The following DENND3 variants were observed in gnomAD, a reference collection of about 807,000 sequenced individuals.
DENND3 encodes DENN domain-containing protein 3.
In DENND3, 88 loss-of-function variants were observed where a neutral mutation model predicts 135.1. The observed-to-expected ratio is 0.65, with a 90% CI of 0.55 to 0.78. DENND3 has a LOEUF of 0.78. DENND3 is among the 30% of genes least tolerant of loss of function. The pLI is 0.00. For synonymous variants in DENND3, 693 were observed against 712.3 expected (o/e 0.97, Z 0.43); for missense variants, 1,392 against 1,688.4 (o/e 0.82, Z 3.08).
At chr8:141,159,791 G>A (rs1213412606) in intron 8 of DENND3, among the ~76,000 whole-genome samples, 1 of 152,258 alleles carries the variant, frequency 6.6e-6, no homozygotes, top group African/African-American at 2.4e-5. Context: ...ATCTCATGGT[G>A]GCTCAGGGTT....
chr8:141,178,666 G>C (rs892134781), intron 16 of DENND3, among the ~76,000 whole-genome samples: 28 of 152,172 alleles, frequency 1.8e-4, no homozygotes, highest in Admixed American at 1.8e-3. Flanking sequence ...GGGCTTCACC[G>C]CTGCATGAGT....
At chr8:141,159,999 G>C (rs1819926890) in intron 8 of DENND3, among the ~76,000 whole-genome samples, 1 of 152,188 alleles carries the variant, frequency 6.6e-6, no homozygotes, top group South Asian at 2.1e-4. Flanking sequence ...AGCCATGAGT[G>C]ACCCGTCAAG....
At chr8:141,153,831 T>C (rs1344947106) in intron 7 of DENND3, among the ~76,000 whole-genome samples, 2 of 152,226 alleles carry the variant, frequency 1.3e-5, no homozygotes, top group African/African-American at 4.8e-5. Context: ...AGGACAACTT[T>C]CTTCCACATG....
intron 10 of DENND3, among the ~76,000 whole-genome samples, chr8:141,164,800 C>G: frequency 6.6e-6 from 1 of 152,246 alleles, no homozygotes; most frequent in East Asian, 1.9e-4. Context: ...GCTGCGCCAG[C>G]CACGAGCCTG....
intron 15 of DENND3, 84 bp downstream of exon 15, chr8:141,176,845 G>A (rs1452318339): frequency 6.7e-7 from 1 of 1,501,314 alleles, no homozygotes; most frequent in Non-Finnish European, 9.1e-7. Context: ...GCAGTCCTCA[G>A]CTGTGAGTGC....
chr8:141,189,582 G>C (rs149026302), intron 19 of DENND3, among the ~76,000 whole-genome samples: 1 of 152,088 alleles, frequency 6.6e-6, no homozygotes, highest in Non-Finnish European at 1.5e-5. Context: ...CCAGGGAGAC[G>C]GGAGGAGGAG....
chr8:141,186,448 C>T (rs1052498326), intron 18 of DENND3, among the ~76,000 whole-genome samples: 4 of 152,208 alleles, frequency 2.6e-5, no homozygotes, highest in East Asian at 1.9e-4. Flanking sequence ...GCAGGCTGTA[C>T]GTGGCCCAGG....
chr8:141,171,997 G>A (rs573464477), intron 13 of DENND3, among the ~76,000 whole-genome samples: 132 of 149,842 alleles, frequency 8.8e-4, no homozygotes, highest in Non-Finnish European at 1.6e-3. Context: ...GGTGGTGGCC[G>A]TGCACAGTGG....
At chr8:141,153,677 C>T (rs1819094506) in intron 7 of DENND3, among the ~76,000 whole-genome samples, 2 of 152,352 alleles carry the variant, frequency 1.3e-5, no homozygotes, top group South Asian at 4.1e-4. Context: ...AGGAAAAGGC[C>T]AGGCAGACCT....
Position 141,129,998 on chromosome 8 carries a change from C to T in DENND3, c.102+1189C>T, listed in dbSNP as rs368781040. 12 of 152,382 alleles carry T rather than the reference C, an allele frequency of 7.9e-5. No individual in the cohort carries two copies. The East Asian group carries it at 1.7e-3, about 22-fold the overall frequency. The allele number at this position is 152,382 out of a possible 1,614,324, so 9.4% of individuals were successfully genotyped here. ...CCGTTTGACCTCTGTCTCCTCGCAACGTCATCGATTGATTTGTCTCCCTAC... is the reference window on the plus strand; with the variant it reads ...CCGTTTGACCTCTGTCTCCTCGCAATGTCATCGATTGATTTGTCTCCCTAC... On this transcript the variant is annotated intron_variant, in intron 1 of 22. Coordinates refer to ENST00000519811, the MANE Select transcript of DENND3 (RefSeq NM_001352890.3).
At chr8:141,178,010 C>A in intron 15 of DENND3, 57 bp from the exon 16 acceptor site, 1 of 1,558,522 alleles carries the variant, frequency 6.4e-7, no homozygotes, top group Non-Finnish European at 8.7e-7. Flanking sequence ...ACAAGGTCTC[C>A]GGTGAACTGA....
chr8:141,143,832 A>G lies in DENND3; in HGVS notation c.624-316A>G, dbSNP rs764414132. The G allele has an allele frequency of 1.1e-3, 268 of 252,282 alleles. 6 individuals carry two copies. The highest frequency in any genetic ancestry group is 1.7e-4 in the Non-Finnish European group (22 of 132,566). The allele number at this position is 252,282 out of a possible 1,614,324, so 15.6% of individuals were successfully genotyped here. On this transcript the variant is annotated intron_variant, in intron 4 of 22. Coordinates refer to ENST00000519811, the MANE Select transcript of DENND3 (RefSeq NM_001352890.3). The stretch of plus-strand genomic sequence containing the variant: ...CCTTACCGAGGTAAAACACACGTAC[A>G]GACAAACGCACAAATTCCAGTGATT...
rs1323176375 is a variant in DENND3, at chr8:141,192,649, C to T, written c.3622C>T (p.Arg1208Trp). Residue 1208 changes from arginine to tryptophan, a missense_variant, in exon 22 of 23, where the codon CGG becomes TGG. Transcript: ENST00000519811. ...CTGCTCTGAGATCAACTGCATGATC[C>T]GGGTGAAGAAGCAGGTAGGGTGGAG... ...EDCSEINCMI[R>W]VKKQVWVGSR... 1.0e-5 allele frequency: 16 copies of T among 1,606,046 alleles called. No homozygotes were observed. Among genetic ancestry groups the T allele is most frequent in the African/African-American group, 2.7e-5 (2 of 74,828 alleles).
In DENND3 at chr8:141,151,737, C is replaced by A; in HGVS notation, c.974C>A (p.Pro325His). 1.9e-6 allele frequency: 3 copies of A among 1,614,210 alleles called. No homozygotes were observed. Residue 325 changes from proline to histidine, a missense_variant, in exon 7 of 23, where the codon CCC becomes CAC. Coordinates refer to ENST00000519811, the MANE Select transcript of DENND3 (RefSeq NM_001352890.3). The part of the protein sequence containing the change: ...AYLYPLQWQH[P>H]FVPILSDQML... ...CTGTATCCGCTGCAGTGGCAGCACC[C>A]CTTCGTGCCCATCCTGTCGGACCAG...
intron 1 of DENND3, among the ~76,000 whole-genome samples, chr8:141,133,102 G>T (rs924735253): frequency 6.6e-6 from 1 of 152,202 alleles, no homozygotes; most frequent in Non-Finnish European, 1.5e-5. Flanking sequence ...CTGGCTGCGG[G>T]GTGGCAGAGA....
chr8:141,136,885 G>C, intron 2 of DENND3, 94 bp downstream of exon 2: 2 of 1,371,712 alleles, frequency 1.5e-6, no homozygotes, highest in South Asian at 1.6e-5. Context: ...GGGAAGTGAC[G>C]TGAGCGGCAG....
In DENND3 at chr8:141,194,799, G is replaced by A. The variant is rs1346250225; in HGVS notation, c.*566G>A. ...AAGGTGGACAGGGCCTACCCAGGTG[G>A]AGGGGACCACCCTGCGATCAGGTGT... On this transcript the variant is annotated 3_prime_UTR_variant, in exon 23 of 23. Coordinates refer to ENST00000519811, the MANE Select transcript of DENND3 (RefSeq NM_001352890.3). The A allele has an allele frequency of 6.5e-6, 1 of 153,114 alleles. No individual in the cohort carries two copies. The highest frequency in any genetic ancestry group is 6.5e-5 in the Admixed American group (1 of 15,436). 9.5% of individuals were successfully genotyped at this position (153,114 alleles called of 1,614,324 possible). A position where few individuals can be genotyped will look rare whatever the true frequency, so the allele number is the denominator to read the frequency against.
chr8:141,164,473 A>T (rs1414905446), intron 10 of DENND3, among the ~76,000 whole-genome samples: 1 of 152,096 alleles, frequency 6.6e-6, no homozygotes, highest in Non-Finnish European at 1.5e-5. Context: ...CCCATCTGCT[A>T]AGTGACGTAC....
intron 15 of DENND3, 194 bp downstream of exon 15, chr8:141,176,955 C>T: frequency 1.6e-6 from 1 of 622,564 alleles, no homozygotes; most frequent in East Asian, 2.9e-5. Flanking sequence ...CGAGAGGCCT[C>T]ACGGTGCTAC....
Sources: gnomAD v4.1 joint callset for allele counts (sites outside exome capture counted in the v4.1 genomes callset) on GRCh38, gnomAD v4.1.1 for gene constraint, MANE v1.5 for transcripts, NCBI Gene and HGNC (gene_info 2026-07-23, HGNC 2026-07-21) for gene names.